SLC35F4: variants seen among roughly 807,000 people sequenced by gnomAD.
SLC35F4 encodes chromosome 14 open reading frame 36.
SLC35F4 carries 24 observed loss-of-function variants against 44.2 expected under a neutral mutation model. The ratio of observed to expected loss-of-function variants is 0.54; its 90% confidence interval spans 0.39 to 0.76. SLC35F4 has a LOEUF of 0.76. Ranked by LOEUF, SLC35F4 falls within the 30% of genes least tolerant of loss-of-function variation. SLC35F4 has a pLI of 0.00. For synonymous variants in SLC35F4, 238 were observed against 223.6 expected, an observed-to-expected ratio of 1.06 and a Z score of -0.57; for missense variants, 562 against 586.1, an observed-to-expected ratio of 0.96 and a Z score of 0.42.
At chr14:57,803,006 A>AAAAAAAAAAAAAAAAAAAAAAG (rs74994950) in intron 1 of SLC35F4, among the ~76,000 whole-genome samples, 2 of 136,252 alleles carry the variant, frequency 1.5e-5, no homozygotes, top group Non-Finnish European at 3.0e-5. Flanking sequence ...AAAAAAAAAA[A>AAAAAAAAAAAAAAAAAAAAAAG]GAAATTGCAG....
chr14:57,576,336 T>C (rs1404894147), intron 4 of SLC35F4, among the ~76,000 whole-genome samples: 1 of 152,166 alleles, frequency 6.6e-6, no homozygotes, highest in Non-Finnish European at 1.5e-5. Flanking sequence ...AAATGAACCC[T>C]TGAATTCCAA....
At chr14:57,772,165 A>G (rs141570232) in intron 1 of SLC35F4, among the ~76,000 whole-genome samples, 1 of 152,238 alleles carries the variant, frequency 6.6e-6, no homozygotes, top group Non-Finnish European at 1.5e-5. Context: ...TTTCACTGTC[A>G]GAAAGCAAAA....
intron 1 of SLC35F4, among the ~76,000 whole-genome samples, chr14:57,602,988 C>T (rs538221396): frequency 6.6e-6 from 1 of 152,292 alleles, no homozygotes; most frequent in Admixed American, 6.5e-5. Context: ...CTACCTCTTA[C>T]CTTGTCCAGA....
chr14:57,890,719 T>G (rs8006295), intron 1 of SLC35F4, among the ~76,000 whole-genome samples: 40,338 of 152,048 alleles, frequency 0.27, 5,808 homozygotes, highest in African/African-American at 0.38. Flanking sequence ...TTGAGAAGAT[T>G]TAGAATAAAA....
chr14:57,580,461 T>C, intron 4 of SLC35F4: 1 of 293,054 alleles, frequency 3.4e-6, no homozygotes, highest in Non-Finnish European at 6.7e-6. Context: ...AAGTGTTGTC[T>C]CAATATGTTC....
intron 1 of SLC35F4, among the ~76,000 whole-genome samples, chr14:57,618,613 A>G (rs1480451396): frequency 2.0e-5 from 3 of 152,218 alleles, no homozygotes; most frequent in African/African-American, 7.2e-5. Flanking sequence ...CTGGGTGGTC[A>G]CTTGGGCAGA....
intron 1 of SLC35F4, among the ~76,000 whole-genome samples, chr14:57,919,562 G>A (rs1318550114): frequency 6.6e-6 from 1 of 152,186 alleles, no homozygotes; most frequent in East Asian, 1.9e-4. Flanking sequence ...TTCTTCCACA[G>A]GCGAATCTGA....
At chr14:57,881,075 G>A (rs1194238424) in intron 1 of SLC35F4, among the ~76,000 whole-genome samples, 2 of 151,842 alleles carry the variant, frequency 1.3e-5, no homozygotes, top group Non-Finnish European at 2.9e-5. Flanking sequence ...CCTGACACTG[G>A]GAACAAATGC....
At chr14:57,974,108 T>C (rs1237755126), downstream of SLC35F4, among the ~76,000 whole-genome samples, 1 of 152,186 alleles carries the variant, frequency 6.6e-6, no homozygotes, top group Non-Finnish European at 1.5e-5. Context: ...GTGGTTTCAA[T>C]GGAGGTCACT....
chr14:57,918,160 T>C (rs1303916019), intron 1 of SLC35F4, among the ~76,000 whole-genome samples: 1 of 152,138 alleles, frequency 6.6e-6, no homozygotes, highest in Non-Finnish European at 1.5e-5. Flanking sequence ...GCCAGAAGCA[T>C]GAGAGGATTT....
At chr14:57,765,381 T>C (rs957971619) in intron 1 of SLC35F4, among the ~76,000 whole-genome samples, 2 of 152,178 alleles carry the variant, frequency 1.3e-5, no homozygotes, top group Admixed American at 6.5e-5. Flanking sequence ...TCTCTACAGG[T>C]TCCCGTCAGT....
intron 1 of SLC35F4, among the ~76,000 whole-genome samples, chr14:57,944,831 C>T (rs1367994284): frequency 1.3e-5 from 2 of 151,838 alleles, no homozygotes; most frequent in Admixed American, 6.6e-5. Flanking sequence ...GCCAGGAAGG[C>T]CATGAGGAGA....
chr14:57,623,279 G>A (rs1594619128), intron 1 of SLC35F4, among the ~76,000 whole-genome samples: 1 of 152,158 alleles, frequency 6.6e-6, no homozygotes, highest in South Asian at 2.1e-4. Flanking sequence ...AAATATATAT[G>A]TGCCCAATAC....
intron 1 of SLC35F4, among the ~76,000 whole-genome samples, chr14:57,830,534 A>G (rs1453489939): frequency 6.6e-6 from 1 of 152,170 alleles, no homozygotes; most frequent in Non-Finnish European, 1.5e-5. Flanking sequence ...GAAAACCTGA[A>G]GTCTAGCATG....
At chr14:57,625,931 A>G (rs529862793) in intron 1 of SLC35F4, among the ~76,000 whole-genome samples, 2 of 152,320 alleles carry the variant, frequency 1.3e-5, no homozygotes, top group East Asian at 3.9e-4. Context: ...CCAAATGCCC[A>G]TCAATGATAG....
intron 1 of SLC35F4, among the ~76,000 whole-genome samples, chr14:57,917,019 T>TTGTA (rs1226290826): frequency 1.6e-5 from 2 of 121,468 alleles, no homozygotes; most frequent in African/African-American, 5.2e-5. Context: ...GGTTTTGTTT[T>TTGTA]TGTTTGTTTG....
chr14:57,766,915 C>A (rs578119716), intron 1 of SLC35F4, among the ~76,000 whole-genome samples: 6 of 152,274 alleles, frequency 3.9e-5, no homozygotes, highest in African/African-American at 1.4e-4. Flanking sequence ...CATCTATATG[C>A]TGTTTACAAG....
At chr14:57,710,038 C>T (rs571266644) in intron 1 of SLC35F4, among the ~76,000 whole-genome samples, 5 of 152,206 alleles carry the variant, frequency 3.3e-5, no homozygotes, top group Non-Finnish European at 7.3e-5. Flanking sequence ...GAAAATGTCT[C>T]CAGGGCATGT....
intron 1 of SLC35F4, among the ~76,000 whole-genome samples, chr14:57,685,609 T>G (rs1039977210): frequency 6.6e-6 from 1 of 152,214 alleles, no homozygotes; most frequent in Non-Finnish European, 1.5e-5. Flanking sequence ...TTCTTTACAG[T>G]CCTAAACAGA....
Sources: allele counts gnomAD v4.1 joint callset (sites outside exome capture counted in the v4.1 genomes callset), GRCh38; gene constraint gnomAD v4.1.1; transcripts MANE v1.5; gene names NCBI Gene and HGNC (gene_info 2026-07-23, HGNC 2026-07-21).